ANXA8: variants seen among roughly 807,000 people sequenced by gnomAD.
The protein encoded by ANXA8 is annexin A8, also known as VAC-beta.
A neutral mutation model predicts 26.8 loss-of-function variants in ANXA8; 9 were observed. That is an observed-to-expected ratio of 0.34 (90% CI 0.20 to 0.59). ANXA8 has a LOEUF of 0.59. Ranked by LOEUF, ANXA8 falls within the 20% of genes least tolerant of loss-of-function variation. The probability of loss-of-function intolerance (pLI) is 0.84; values close to 1 mark genes in which losing one functional copy is unlikely to be tolerated. For missense variants in ANXA8, 83 were observed against 238.5 expected (o/e 0.35, Z 4.29); for synonymous variants, 39 against 94.8 (o/e 0.41, Z 3.42).
chr10:47,743,265 CAT>C, the ANXA8 span, among the ~76,000 whole-genome samples: 2 of 86,578 alleles, frequency 2.3e-5, no homozygotes, highest in African/African-American at 9.7e-5. Context: ...TATATATATA[CAT>C]ATATATATAT....
At chr10:47,486,126 A>C (rs1462156393), upstream of ANXA8, among the ~76,000 whole-genome samples, 1 of 148,226 alleles carries the variant, frequency 6.7e-6, no homozygotes, top group Admixed American at 6.8e-5. Context: ...AAAAAAATCA[A>C]CAGCAGCTTC....
At chr10:47,639,714 TC>T in the ANXA8 span, among the ~76,000 whole-genome samples, 1 of 150,302 alleles carries the variant, frequency 6.7e-6, no homozygotes, top group Non-Finnish European at 1.5e-5. Context: ...CTAATTTTCT[TC>T]CCCATTCATT....
chr10:47,566,362 G>A, the ANXA8 span, among the ~76,000 whole-genome samples: 1 of 147,282 alleles, frequency 6.8e-6, no homozygotes, highest in Non-Finnish European at 1.5e-5. Flanking sequence ...GAGCTTTCGT[G>A]AACTTTTTAC....
chr10:47,502,348 G>A, the ANXA8 span: 3 of 1,606,438 alleles, frequency 1.9e-6, no homozygotes, highest in Non-Finnish European at 2.5e-6. Context: ...ATCAGTGGTG[G>A]CCCGCAGCAG....
At chr10:47,626,350 G>T in the ANXA8 span, among the ~76,000 whole-genome samples, 2 of 150,270 alleles carry the variant, frequency 1.3e-5, no homozygotes, top group Non-Finnish European at 2.9e-5. Flanking sequence ...AAGAAAGACT[G>T]TGAAAACAAA....
chr10:47,584,858 C>T, the ANXA8 span, among the ~76,000 whole-genome samples: 5 of 136,666 alleles, frequency 3.7e-5, no homozygotes, highest in Admixed American at 7.2e-5. Flanking sequence ...GAGGCCAAGG[C>T]GGGTGGATCA....
the ANXA8 span, among the ~76,000 whole-genome samples, chr10:47,776,562 CT>C: frequency 6.6e-6 from 1 of 151,972 alleles, no homozygotes; most frequent in African/African-American, 2.4e-5. Context: ...GCCACATTCC[CT>C]TGGGGAATAG....
the ANXA8 span, among the ~76,000 whole-genome samples, chr10:47,743,043 C>T: frequency 1.1e-4 from 15 of 141,872 alleles, no homozygotes; most frequent in Non-Finnish European, 1.5e-4. Context: ...TGGTGGCGGG[C>T]GCCTGTAGTC....
the ANXA8 span, among the ~76,000 whole-genome samples, chr10:47,546,508 T>A: frequency 1.5e-5 from 2 of 132,638 alleles, no homozygotes; most frequent in Non-Finnish European, 3.2e-5. Flanking sequence ...ATTCATGCCA[T>A]TCTTCTGCCT....
chr10:47,472,567 A>G (rs1226044851), intron 9 of ANXA8, among the ~76,000 whole-genome samples: 3 of 151,696 alleles, frequency 2.0e-5, no homozygotes, highest in Non-Finnish European at 4.4e-5. Context: ...CCACAGAAGC[A>G]CCATGGGATG....
chr10:47,503,784 A>G, the ANXA8 span, among the ~76,000 whole-genome samples: 3 of 131,336 alleles, frequency 2.3e-5, no homozygotes, highest in South Asian at 4.7e-4. Context: ...AGAAAAAAAA[A>G]TTAGCTGGGC....
At chr10:47,762,385 G>A in the ANXA8 span, among the ~76,000 whole-genome samples, 2 of 124,778 alleles carry the variant, frequency 1.6e-5, no homozygotes, top group African/African-American at 3.0e-5. Context: ...GTGCGGCCGC[G>A]GGGCATTCAG....
chr10:47,551,244 T>G, the ANXA8 span, among the ~76,000 whole-genome samples: 5 of 151,640 alleles, frequency 3.3e-5, no homozygotes, highest in East Asian at 4.0e-4. Flanking sequence ...GTTGTATGAT[T>G]GGAGGTAACT....
the ANXA8 span, among the ~76,000 whole-genome samples, chr10:47,670,365 T>G: frequency 1.3e-5 from 2 of 152,008 alleles, no homozygotes; most frequent in African/African-American, 4.8e-5. Context: ...TTTATTCTTT[T>G]AGGTATATAG....
At chr10:47,510,197 C>G in the ANXA8 span, 3 of 1,421,866 alleles carry the variant, frequency 2.1e-6, no homozygotes, top group Non-Finnish European at 2.8e-6. Flanking sequence ...TAAGATAATG[C>G]TGGATGGCTG....
chr10:47,716,711 T>C, the ANXA8 span, among the ~76,000 whole-genome samples: 1 of 34,812 alleles, frequency 2.9e-5, no homozygotes, highest in Non-Finnish European at 4.6e-5. Context: ...ACACAGATGA[T>C]AGAAAATTTA....
chr10:47,928,750 C>CTTTTT, the ANXA8 span, among the ~76,000 whole-genome samples: 6 of 102,756 alleles, frequency 5.8e-5, no homozygotes, highest in Admixed American at 1.1e-4. Context: ...CTCTCTCTCT[C>CTTTTT]TTTTTTTTTT....
chr10:47,735,643 A>C, the ANXA8 span, among the ~76,000 whole-genome samples: 2 of 148,924 alleles, frequency 1.3e-5, no homozygotes, highest in Admixed American at 1.4e-4. Flanking sequence ...ATGTATCTAC[A>C]TCTTATTTTA....
the ANXA8 span, among the ~76,000 whole-genome samples, chr10:47,493,002 C>T: frequency 6.6e-6 from 1 of 151,482 alleles, no homozygotes; most frequent in Non-Finnish European, 1.5e-5. Flanking sequence ...CTCTTGCATT[C>T]CTGCATGGTG....
Sources: allele counts gnomAD v4.1 joint callset (sites outside exome capture counted in the v4.1 genomes callset), GRCh38; gene constraint gnomAD v4.1.1; transcripts MANE v1.5; gene names NCBI Gene and HGNC (gene_info 2026-07-23, HGNC 2026-07-21).